The following SPOCK1 variants were observed in gnomAD, a reference collection of about 807,000 sequenced individuals.
The protein encoded by SPOCK1 is SPARC (osteonectin), cwcv and kazal like domains proteoglycan 1.
SPOCK1 carries 23 observed loss-of-function variants against 55.3 expected under a neutral mutation model. The ratio of observed to expected loss-of-function variants is 0.42; its 90% CI spans 0.30 to 0.59. SPOCK1 has a LOEUF of 0.59. Among genes scored for constraint, SPOCK1 ranks in the 20% least tolerant of loss-of-function variants. SPOCK1 has a pLI of 0.22. For synonymous variants in SPOCK1, 226 were observed against 221.0 expected (o/e 1.02, Z -0.20); for missense variants, 499 against 552.5 (o/e 0.90, Z 0.97).
chr5:137,330,690 A>T (rs540293148), intron 2 of SPOCK1, among the ~76,000 whole-genome samples: 1 of 152,216 alleles, frequency 6.6e-6, no homozygotes, highest in Non-Finnish European at 1.5e-5. Context: ...ACATGAGCTC[A>T]ATGTTCTAAT....
intron 6 of SPOCK1, among the ~76,000 whole-genome samples, chr5:136,999,548 T>A (rs1225451000): frequency 6.6e-6 from 1 of 152,126 alleles, no homozygotes; most frequent in Non-Finnish European, 1.5e-5. Flanking sequence ...ATAACTGGTG[T>A]TCCACGCTGG....
chr5:137,491,649 A>T (rs545608972), intron 2 of SPOCK1, among the ~76,000 whole-genome samples: 1 of 152,318 alleles, frequency 6.6e-6, no homozygotes, highest in South Asian at 2.1e-4. Flanking sequence ...AGACTAAAAA[A>T]CAGTTTTTCG....
At chr5:137,380,966 A>T (rs966607454) in intron 2 of SPOCK1, among the ~76,000 whole-genome samples, 7 of 152,122 alleles carry the variant, frequency 4.6e-5, no homozygotes, top group Non-Finnish European at 5.9e-5. Flanking sequence ...AGTCCAAAGG[A>T]TCATCTCCCA....
At chr5:137,077,256 A>G (rs1456916190) in intron 5 of SPOCK1, among the ~76,000 whole-genome samples, 2 of 152,228 alleles carry the variant, frequency 1.3e-5, no homozygotes, top group African/African-American at 4.8e-5. Context: ...CAACCCCTTC[A>G]CTTCTCCCTA....
rs59037201 is a variant in SPOCK1, at chr5:137,203,444, A to G, written c.233-62750T>C. 3.9e-3 allele frequency among the ~76,000 whole-genome samples: 600 copies of G among 152,264 alleles called. 5 individuals carry two copies. Among genetic ancestry groups the G allele is most frequent in the African/African-American group, 0.014 (576 of 41,554 alleles). On this transcript the variant is annotated intron_variant, in intron 3 of 10. Transcript: ENST00000394945. ...TAAAGACATGTCACTCATCTCATGA[A>G]GTGAAAAAGGCGATGAATGGCTCCA...
At chr5:137,298,861 T>C (rs977576935) in intron 2 of SPOCK1, among the ~76,000 whole-genome samples, 14 of 152,276 alleles carry the variant, frequency 9.2e-5, no homozygotes, top group Admixed American at 1.3e-4. Flanking sequence ...ACCTTTTAAT[T>C]TTCAACCTAC....
chr5:137,160,038 T>C (rs1172218366), intron 3 of SPOCK1, among the ~76,000 whole-genome samples: 2 of 151,996 alleles, frequency 1.3e-5, no homozygotes, highest in African/African-American at 2.4e-5. Flanking sequence ...TAGTGGGGAT[T>C]TGTGAGATTT....
In SPOCK1 at chr5:137,190,971, T is replaced by C. The variant is rs544250043; in HGVS notation, c.233-50277A>G. ...TTCAGAGCCTTAGGAAATAAGCCTG[T>C]CCCAGACAAGGAGAAGCAAGCCTTG... On this transcript the variant is annotated intron_variant, in intron 3 of 10. Transcript: ENST00000394945. Among the ~76,000 whole-genome samples the C allele has an allele frequency of 3.3e-5, 5 of 152,316 alleles. No individual in the cohort carries two copies. The South Asian group carries it at 1.0e-3, about 32-fold the overall frequency.
intron 2 of SPOCK1, among the ~76,000 whole-genome samples, chr5:137,331,024 TGGTGGAGCTA>T (rs1758167810): frequency 2.6e-5 from 4 of 152,120 alleles, no homozygotes. Flanking sequence ...CAGCAAATGG[TGGTGGAGCTA>T]GGATTCAAAT....
At chr5:137,332,078 G>C (rs1758197439) in intron 2 of SPOCK1, among the ~76,000 whole-genome samples, 1 of 152,118 alleles carries the variant, frequency 6.6e-6, no homozygotes, top group African/African-American at 2.4e-5. Context: ...GCCCCAGGTG[G>C]TCAGTGTGGC....
At chr5:137,277,948 C>T (rs1212117296) in intron 2 of SPOCK1, among the ~76,000 whole-genome samples, 1 of 152,196 alleles carries the variant, frequency 6.6e-6, no homozygotes, top group Non-Finnish European at 1.5e-5. Flanking sequence ...ACCACCAGCA[C>T]TCCTGGTGGC....
chr5:137,109,894 T>C (rs539043401), intron 5 of SPOCK1, among the ~76,000 whole-genome samples: 5 of 152,326 alleles, frequency 3.3e-5, no homozygotes, highest in Admixed American at 1.3e-4. Flanking sequence ...AAATTTGAAA[T>C]TACATATTTA....
chr5:136,995,861 C>T (rs146690742), intron 6 of SPOCK1, among the ~76,000 whole-genome samples: 1 of 152,224 alleles, frequency 6.6e-6, no homozygotes, highest in African/African-American at 2.4e-5. Context: ...TAGCAGGGAG[C>T]CACTGGTGTG....
intron 2 of SPOCK1, among the ~76,000 whole-genome samples, chr5:137,425,635 A>G (rs1342165585): frequency 6.6e-6 from 1 of 152,182 alleles, no homozygotes; most frequent in East Asian, 1.9e-4. Flanking sequence ...TTAGCAAACT[A>G]TATATCAAAG....
intron 2 of SPOCK1, among the ~76,000 whole-genome samples, chr5:137,395,470 G>A (rs955264185): frequency 2.6e-5 from 4 of 152,136 alleles, no homozygotes; most frequent in Non-Finnish European, 5.9e-5. Flanking sequence ...GGAGCAAAGT[G>A]GTAAACAGGA....
At chr5:137,223,805 AG>A (rs1263154587) in intron 3 of SPOCK1, among the ~76,000 whole-genome samples, 1 of 151,982 alleles carries the variant, frequency 6.6e-6, no homozygotes, top group African/African-American at 2.4e-5. Context: ...CTGCCTACTC[AG>A]GAACATCTGA....
chr5:137,498,133 C>A (rs1041637916), intron 2 of SPOCK1, among the ~76,000 whole-genome samples: 1 of 152,146 alleles, frequency 6.6e-6, no homozygotes, highest in African/African-American at 2.4e-5. Flanking sequence ...AATACACACA[C>A]CTGGGCCACA....
chr5:137,130,933 C>G (rs945743166), intron 4 of SPOCK1, among the ~76,000 whole-genome samples: 1 of 152,234 alleles, frequency 6.6e-6, no homozygotes, highest in Non-Finnish European at 1.5e-5. Flanking sequence ...TGCACCCTCT[C>G]TCCATGAGGA....
intron 3 of SPOCK1, among the ~76,000 whole-genome samples, chr5:137,222,546 G>A (rs1483508402): frequency 6.6e-6 from 1 of 152,246 alleles, no homozygotes; most frequent in African/African-American, 2.4e-5. Context: ...AACTATAAGA[G>A]GGAGACCCCC....
Sources: allele counts gnomAD v4.1 joint callset (sites outside exome capture counted in the v4.1 genomes callset), GRCh38; gene constraint gnomAD v4.1.1; transcripts MANE v1.5; gene names NCBI Gene and HGNC (gene_info 2026-07-23, HGNC 2026-07-21).